The following CYP2C8 variants were observed in gnomAD, a reference collection of about 807,000 sequenced individuals.
CYP2C8 encodes the protein cytochrome P450 family 2 subfamily C member 8.
CYP2C8 carries 51 observed loss-of-function variants against 41.3 expected under a neutral mutation model. The ratio of observed to expected loss-of-function variants is 1.24; its 90% CI spans 0.99 to 1.56. CYP2C8 has a LOEUF of 1.56. CYP2C8 is among the 40% of genes most tolerant of loss of function. The pLI, the probability that CYP2C8 is intolerant of heterozygous loss-of-function variation, is 0.00. For missense variants in CYP2C8, 651 were observed against 579.9 expected (o/e 1.12, Z -1.26); for synonymous variants, 218 against 205.8 (o/e 1.06, Z -0.51).
Position 95,039,167 on chromosome 10 carries a change from T to C in CYP2C8, c.1150-129A>G, listed in dbSNP as rs991498156. The C allele has an allele frequency of 8.4e-6, 7 of 832,568 alleles. No individual in the cohort carries two copies. In the African/African-American group the frequency reaches 1.0e-4, roughly 12 times the overall value. 51.6% of individuals were successfully genotyped at this position (832,568 alleles called of 1,614,324 possible). On this transcript the variant is annotated intron_variant, in intron 7 of 8. Coordinates refer to ENST00000371270, the MANE Select transcript of CYP2C8 (RefSeq NM_000770.3). Reference sequence around the variant, plus strand: ...ACTCAGGTCCAGCCAGACACAGTAATTTACATGGATGAGCTTAAGGCCAGT... The same window carrying C: ...ACTCAGGTCCAGCCAGACACAGTAACTTACATGGATGAGCTTAAGGCCAGT...
At chr10:95,044,716 T>C (rs1365014451) in intron 6 of CYP2C8, among the ~76,000 whole-genome samples, 1 of 152,132 alleles carries the variant, frequency 6.6e-6, no homozygotes, top group Non-Finnish European at 1.5e-5. Flanking sequence ...TATGCTTCCC[T>C]TTCCCAGTGG....
chr10:95,043,892 A>G (rs35427080), intron 6 of CYP2C8, among the ~76,000 whole-genome samples: 33,542 of 151,690 alleles, frequency 0.22, 4,090 homozygotes, highest in Non-Finnish European at 0.29. Context: ...ACACACATAT[A>G]CACACATACA....
At chr10:95,067,748 T>C (rs1156862080) in intron 1 of CYP2C8, 57 bp from the exon 2 acceptor site, 1 of 1,510,850 alleles carries the variant, frequency 6.6e-7, no homozygotes, top group Admixed American at 1.7e-5. Context: ...CCAAATACTA[T>C]GTATGATTCA....
Position 95,064,664 on chromosome 10 carries a change from G to A in CYP2C8, c.642+136C>T, listed in dbSNP as rs538609113. ...AAATTTTGAACAGGAAATCAAAGGT[G>A]GTAATTATTTTCTTCACTCATACAT... is the stretch of plus-strand genomic sequence containing the variant. On this transcript the variant is annotated intron_variant, in intron 4 of 8. Coordinates refer to ENST00000371270, the MANE Select transcript of CYP2C8 (RefSeq NM_000770.3). The A allele has an allele frequency of 1.1e-4, 94 of 849,904 alleles. 1 individual carries two copies. Among genetic ancestry groups the A allele is most frequent in the Non-Finnish European group, 1.7e-4 (91 of 544,436 alleles). The allele number at this position is 849,904 out of a possible 1,614,324, so 52.6% of individuals were successfully genotyped here. A position where few individuals can be genotyped will look rare whatever the true frequency, so the allele number is the denominator to read the frequency against.
At chr10:95,057,626 G>A (rs1589443751) in intron 5 of CYP2C8, among the ~76,000 whole-genome samples, 2 of 152,090 alleles carry the variant, frequency 1.3e-5, no homozygotes, top group Non-Finnish European at 2.9e-5. Context: ...CAATGGAGTA[G>A]AATTGAGAGC....
chr10:95,053,102 C>G (rs576868210), intron 5 of CYP2C8, among the ~76,000 whole-genome samples: 2 of 152,084 alleles, frequency 1.3e-5, no homozygotes, highest in East Asian at 3.9e-4. Context: ...TTGCAAGATA[C>G]AAAATAATAT....
chr10:95,046,874 G>A (rs1012507003), intron 5 of CYP2C8, among the ~76,000 whole-genome samples: 1 of 151,774 alleles, frequency 6.6e-6, no homozygotes, highest in African/African-American at 2.4e-5. Context: ...ATTTGATTAA[G>A]CTCTTGATAT....
chr10:95,069,477 G>A lies in CYP2C8; in HGVS notation c.-75C>T. The A allele has an allele frequency of 1.7e-6, 2 of 1,199,648 alleles. No homozygotes were observed. The highest frequency in any genetic ancestry group is 1.8e-5 in the Admixed American group (1 of 55,998). 74.3% of individuals were successfully genotyped at this position (1,199,648 alleles called of 1,614,324 possible). On this transcript the variant is annotated 5_prime_UTR_variant, in exon 1 of 9. Coordinates refer to ENST00000371270, the MANE Select transcript of CYP2C8 (RefSeq NM_000770.3). ...TTTTATAACACTCCCTGCTAATTTA[G>A]TGTGTGTCTCTTTGACATGTAAAGT...
rs148974310 is a variant in CYP2C8 at position 95,058,511 on chromosome 10, C to T, written c.643G>A (p.Val215Ile). Residue 215 changes from valine to isoleucine, a missense_variant and splice_region_variant, in exon 5 of 9, where the codon GTC becomes ATC. Physicochemically the swap from Val to Ile is conservative, Grantham distance 29. Coordinates refer to ENST00000371270, the MANE Select transcript of CYP2C8 (RefSeq NM_000770.3). ...ATGAGTAGAGGGAAATTATTGCAGA[C>T]CTAAAAGAGAAAAGAATATTAAATA... is the stretch of plus-strand genomic sequence containing the variant. ...FRILNSPWIQ[V>I]CNNFPLLIDC... 2.5e-6 allele frequency: 4 copies of T among 1,609,048 alleles called. No individual in the cohort carries two copies. In the African/African-American group the frequency reaches 4.0e-5, roughly 16 times the overall value.
intron 1 of CYP2C8, 86 bp from the exon 2 acceptor site, chr10:95,067,777 A>G (rs2033603232): frequency 1.5e-6 from 2 of 1,350,484 alleles, no homozygotes; most frequent in Admixed American, 3.9e-5. Flanking sequence ...TTTTCATTGT[A>G]TTTTTTAATG....
chr10:95,064,700 G>C (rs569414111), intron 4 of CYP2C8, 100 bp downstream of exon 4: 1 of 1,173,330 alleles, frequency 8.5e-7, no homozygotes, highest in Non-Finnish European at 1.2e-6. Context: ...CATTTTTATT[G>C]TATAAAAGCA....
intron 3 of CYP2C8, 54 bp downstream of exon 3, chr10:95,067,154 A>G (rs2033586158): frequency 1.9e-6 from 3 of 1,612,998 alleles, no homozygotes; most frequent in Middle Eastern, 1.7e-4. Context: ...CAAGGACGTC[A>G]CTAGTGAAGA....
chr10:95,039,549 T>C (rs1477791179), intron 7 of CYP2C8, among the ~76,000 whole-genome samples: 1 of 152,304 alleles, frequency 6.6e-6, no homozygotes, highest in East Asian at 1.9e-4. Context: ...TACAGATTAA[T>C]TTTAGCTTAA....
At chr10:95,048,884 TA>T (rs909320594) in intron 5 of CYP2C8, among the ~76,000 whole-genome samples, 6 of 151,962 alleles carry the variant, frequency 3.9e-5, no homozygotes, top group Admixed American at 1.3e-4. Context: ...AAAAAACCTA[TA>T]AAAAACTCTT....
intron 3 of CYP2C8, 95 bp from the exon 4 acceptor site, chr10:95,065,055 A>G (rs1333514833): frequency 7.9e-6 from 9 of 1,133,068 alleles, no homozygotes; most frequent in Non-Finnish European, 9.2e-6. Context: ...GAAATTTTAA[A>G]CAATATCTTA....
chr10:95,041,684 G>A (rs1460976796), intron 7 of CYP2C8, among the ~76,000 whole-genome samples: 1 of 151,566 alleles, frequency 6.6e-6, no homozygotes, highest in Non-Finnish European at 1.5e-5. Context: ...GGGAGGCTGA[G>A]GCAGGAGAAT....
intron 7 of CYP2C8, among the ~76,000 whole-genome samples, chr10:95,039,697 T>C (rs2032957854): frequency 6.6e-6 from 1 of 152,196 alleles, no homozygotes; most frequent in South Asian, 2.1e-4. Flanking sequence ...TTTCGGATAA[T>C]CTTAATGCAC....
At position 95,067,226 on chromosome 10, in the gene CYP2C8, C is replaced by A; in HGVS notation, c.463G>T (p.Glu155Ter). The change falls in exon 3 of 9, where the codon GAG (glutamate) becomes TAG (stop). Residue 155 changes from glutamate (E) to a stop codon, truncating the protein, a stop_gained. Transcript: ENST00000371270. LOFTEE classifies it high-confidence loss of function. ...CACCCACCCTTGGTTTTTCTCAACTCCTCCACAAGGCAGTGAGCTTCCTCT... is the reference window on the plus strand; with the variant it reads ...CACCCACCCTTGGTTTTTCTCAACTACTCCACAAGGCAGTGAGCTTCCTCT... ...VQEEAHCLVE[E>*]LRKTKASPCD... 1.9e-6 allele frequency: 3 copies of A among 1,614,116 alleles called. No homozygotes were observed. The highest frequency in any genetic ancestry group is 2.5e-6 in the Non-Finnish European group (3 of 1,180,004).
chr10:95,068,630 T>C, intron 1 of CYP2C8: 1 of 1,288,746 alleles, frequency 7.8e-7, no homozygotes, highest in South Asian at 1.2e-5. Context: ...AGCAAAACAC[T>C]GTGAAACAAA....
Sources: gnomAD v4.1 joint callset for allele counts (sites outside exome capture counted in the v4.1 genomes callset) on GRCh38, gnomAD v4.1.1 for gene constraint, MANE v1.5 for transcripts, NCBI Gene and HGNC (gene_info 2026-07-23, HGNC 2026-07-21) for gene names.